The following ATP7B variants were observed in gnomAD, a reference collection of about 807,000 sequenced individuals.
ATP7B encodes copper-transporting ATPase 2.
ATP7B carries 113 observed loss-of-function variants against 118.9 expected under a neutral mutation model. That is an observed-to-expected ratio of 0.95 (90% confidence interval 0.82 to 1.11). The LOEUF is 1.11. Among genes scored for constraint, ATP7B ranks in the 50% most tolerant of loss-of-function variants. ATP7B has a pLI of 0.00. For synonymous variants in ATP7B, 777 were observed against 727.4 expected (o/e 1.07, Z -1.10); for missense variants, 1,867 against 1,871.4 (o/e 1.00, Z 0.04).
chr13:52,011,390 A>T lies in ATP7B; in HGVS notation c.-53T>A. 6.2e-7 allele frequency: 1 copy of T among 1,612,928 alleles called. No homozygotes were observed. The highest frequency in any genetic ancestry group is 8.5e-7 in the Non-Finnish European group (1 of 1,178,910). On this transcript the variant is annotated 5_prime_UTR_variant, in exon 1 of 21. Transcript: ENST00000242839. The stretch of plus-strand genomic sequence containing the variant: ...CTGATCTGGCTCAGAGCAAAAGGTC[A>T]CCTGGTCGGTGGAGGAGAGCGGGGT...
At chr13:51,999,503 A>G (rs1953384339) in intron 1 of ATP7B, among the ~76,000 whole-genome samples, 1 of 152,238 alleles carries the variant, frequency 6.6e-6, no homozygotes, top group African/African-American at 2.4e-5. Flanking sequence ...AAAAACGATT[A>G]TGATAGTTCT....
intron 1 of ATP7B, among the ~76,000 whole-genome samples, chr13:51,986,647 A>G (rs1397131439): frequency 6.6e-6 from 1 of 152,238 alleles, no homozygotes; most frequent in African/African-American, 2.4e-5. Flanking sequence ...CCTGATGAAC[A>G]TCGATGCAAA....
chr13:51,966,702 C>T (rs924755593), intron 4 of ATP7B: 95 of 1,523,820 alleles, frequency 6.2e-5, no homozygotes, highest in Non-Finnish European at 4.1e-5. Flanking sequence ...GCCATGCCGA[C>T]GTAGACCCTG....
chr13:51,955,704 C>A (rs1958293952), intron 9 of ATP7B, among the ~76,000 whole-genome samples: 1 of 152,084 alleles, frequency 6.6e-6, no homozygotes, highest in Non-Finnish European at 1.5e-5. Context: ...TGAGTCAAAA[C>A]CAACACAGCT....
chr13:51,953,979 AT>A, intron 9 of ATP7B, among the ~76,000 whole-genome samples: 1 of 152,134 alleles, frequency 6.6e-6, no homozygotes, highest in Middle Eastern at 3.4e-3. Context: ...CAGCAGTTTC[AT>A]TCCACCAGTG....
chr13:51,990,558 T>C (rs937044877), intron 1 of ATP7B, among the ~76,000 whole-genome samples: 10 of 152,256 alleles, frequency 6.6e-5, no homozygotes, highest in African/African-American at 2.4e-4. Flanking sequence ...ACTTCTATAC[T>C]TTGCTACTAA....
At chr13:51,991,945 T>C (rs1276172594) in intron 1 of ATP7B, among the ~76,000 whole-genome samples, 1 of 152,100 alleles carries the variant, frequency 6.6e-6, no homozygotes, top group Non-Finnish European at 1.5e-5. Flanking sequence ...AACTTTCTAA[T>C]GTGGGAGAGG....
chr13:51,949,654 C>T lies in ATP7B; in HGVS notation c.2865+8G>A. ...CAACCACCATATAGCCCAAGGCATT[C>T]AACTTACAGGAAAGTATCTCTGAAC... On this transcript the variant is annotated splice_region_variant and intron_variant, in intron 12 of 20. Transcript: ENST00000242839. 3 of 1,613,666 alleles carry T rather than the reference C, an allele frequency of 1.9e-6. No homozygotes were observed. The highest frequency in any genetic ancestry group is 2.5e-6 in the Non-Finnish European group (3 of 1,179,960).
chr13:51,999,536 C>T (rs941738081), intron 1 of ATP7B, among the ~76,000 whole-genome samples: 1 of 152,090 alleles, frequency 6.6e-6, no homozygotes, highest in African/African-American at 2.4e-5. Context: ...GATGGGATGG[C>T]CAAAAAGAGA....
At chr13:52,004,477 C>A (rs2004866) in intron 1 of ATP7B, among the ~76,000 whole-genome samples, 61,579 of 152,042 alleles carry the variant, frequency 0.41, 14,293 homozygotes, top group East Asian at 0.53. Context: ...AAACCAAACC[C>A]AACTCAATAT....
intron 1 of ATP7B, among the ~76,000 whole-genome samples, chr13:51,996,694 C>T (rs577846472): frequency 6.6e-6 from 1 of 152,282 alleles, no homozygotes; most frequent in Non-Finnish European, 1.5e-5. Flanking sequence ...ATCCCTGCCC[C>T]AAGAACTCCT....
chr13:51,955,842 C>T (rs1398325186), intron 9 of ATP7B, among the ~76,000 whole-genome samples: 1 of 151,874 alleles, frequency 6.6e-6, no homozygotes, highest in Non-Finnish European at 1.5e-5. Flanking sequence ...CACAGCAGAG[C>T]CCAGCATGCC....
At chr13:52,003,524 T>G (rs185106382) in intron 1 of ATP7B, among the ~76,000 whole-genome samples, 1 of 152,156 alleles carries the variant, frequency 6.6e-6, no homozygotes, top group Non-Finnish European at 1.5e-5. Flanking sequence ...ATCTGAAATA[T>G]TGTGAGAATT....
At chr13:51,989,531 T>TAA (rs560044192) in intron 1 of ATP7B, among the ~76,000 whole-genome samples, 1 of 139,900 alleles carries the variant, frequency 7.1e-6, no homozygotes, top group Admixed American at 7.1e-5. Context: ...GACACTTGCC[T>TAA]AAAAAAAAAA....
rs761410028 is a variant in ATP7B at position 51,934,796 on chromosome 13, G to A, written c.4358C>T (p.Ser1453Phe). Residue 1453 changes from serine (S) to phenylalanine (F), a missense_variant, in exon 21 of 21, where the codon TCT (serine) becomes TTT (phenylalanine). Coordinates refer to ENST00000242839, the MANE Select transcript of ATP7B (RefSeq NM_000053.4). ...CTCATCCCTGCCATTCAGGAGCAGA[G>A]ACCACTTGTCCCCATCATCGTCTGC... is the stretch of plus-strand genomic sequence containing the variant. Reference protein sequence around the residue: ...AAADDDGDKWSLLLNGRDEEQ... With the variant: ...AAADDDGDKWFLLLNGRDEEQ... The A allele has an allele frequency of 1.9e-6, 3 of 1,614,152 alleles. No individual in the cohort carries two copies. Among genetic ancestry groups the A allele is most frequent in the Non-Finnish European group, 2.5e-6 (3 of 1,180,044 alleles).
At position 51,960,181 on chromosome 13, in the gene ATP7B, A is replaced by G. The variant is rs2139604066; in HGVS notation, c.2088T>C (p.Asn696=). 2 of 1,614,000 alleles carry G rather than the reference A, an allele frequency of 1.2e-6. No individual in the cohort carries two copies. The highest frequency in any genetic ancestry group is 1.7e-6 in the Non-Finnish European group (2 of 1,179,866). ...HNIIPGLSIL[N]LIFFILCTFV... Reference sequence around the variant, plus strand: ...AGGTACACAAGATAAAGAAGATGAGATTTAGAATGGACAGTCCTGGAATGA... The same window carrying G: ...AGGTACACAAGATAAAGAAGATGAGGTTTAGAATGGACAGTCCTGGAATGA... The change falls in exon 7 of 21, where the codon AAT becomes AAC. Residue 696 remains asparagine (N), a synonymous_variant. Transcript: ENST00000242839.
intron 11 of ATP7B, 30 bp downstream of exon 11, chr13:51,949,977 T>A (rs759642101): frequency 1.2e-6 from 2 of 1,614,190 alleles, no homozygotes; most frequent in East Asian, 4.5e-5. Flanking sequence ...ACGAGAAAGA[T>A]GAAGTTAGTT....
rs1430922191 is a variant in ATP7B at position 51,974,122 on chromosome 13, G to A, written c.1098C>T (p.Ala366=). 15 of 1,614,018 alleles carry A rather than the reference G, an allele frequency of 9.3e-6. No individual in the cohort carries two copies. The highest frequency in any genetic ancestry group is 8.3e-5 in the Admixed American group (5 of 60,000). ...GGACACAGGATGCACAGGTCATGCC[G>A]GCAATGGCAATCAGAGTGGTACTGC... The part of the protein sequence containing the change: ...GTCSTTLIAI[A]GMTCASCVHS... Residue 366 remains alanine (A), a synonymous_variant, in exon 2 of 21, where the codon GCC becomes GCT. Transcript: ENST00000242839.
chr13:51,977,370 A>G (rs1182921455), intron 1 of ATP7B, among the ~76,000 whole-genome samples: 1 of 152,142 alleles, frequency 6.6e-6, no homozygotes, highest in African/African-American at 2.4e-5. Flanking sequence ...AAACTGTTTA[A>G]GCATTTTTGT....
Sources: allele counts gnomAD v4.1 joint callset (sites outside exome capture counted in the v4.1 genomes callset), GRCh38; gene constraint gnomAD v4.1.1; transcripts MANE v1.5; gene names NCBI Gene and HGNC (gene_info 2026-07-23, HGNC 2026-07-21).